Variants in VEGFD observed in about 807,000 individuals in gnomAD.
VEGFD encodes the protein c-fos induced growth factor (vascular endothelial growth factor D).
In VEGFD, 26 loss-of-function variants were observed where a neutral mutation model predicts 28.0. The observed-to-expected ratio is 0.93, with a 90% CI of 0.68 to 1.29. The LOEUF is 1.29. Ranked by LOEUF, VEGFD falls within the 50% of genes most tolerant of loss-of-function variation. The pLI is 0.00. For missense variants in VEGFD, 294 were observed against 273.4 expected, an observed-to-expected ratio of 1.08 and a Z score of -0.53; for synonymous variants, 93 against 95.5, an observed-to-expected ratio of 0.97 and a Z score of 0.15.
intron 1 of VEGFD, among the ~76,000 whole-genome samples, chrX:15,379,935 T>G (rs759461210): frequency 1.8e-5 from 2 of 112,391 alleles, no homozygotes; most frequent in Admixed American, 1.9e-4. Context: ...ATATTGAAGA[T>G]GTAAGATATT....
chrX:15,356,833 ACT>A (rs1391741870), intron 3 of VEGFD, among the ~76,000 whole-genome samples: 1 of 111,983 alleles, frequency 8.9e-6, no homozygotes, highest in East Asian at 2.8e-4. Flanking sequence ...AGAAAAAGAA[ACT>A]CTGCAGTTTA....
chrX:15,368,197 A>G (rs1923227993), intron 1 of VEGFD, among the ~76,000 whole-genome samples: 1 of 111,456 alleles, frequency 9.0e-6, no homozygotes, highest in South Asian at 3.7e-4. Context: ...AAAGAAAGAA[A>G]ACAGGCAGAT....
intron 5 of VEGFD, among the ~76,000 whole-genome samples, chrX:15,351,526 A>C (rs1407538576): frequency 4.5e-5 from 5 of 111,722 alleles, no homozygotes; most frequent in East Asian, 2.8e-4. Flanking sequence ...ACCCCACAAA[A>C]ATTTTCTAAC....
chrX:15,358,401 T>C (rs1029539067), intron 2 of VEGFD, among the ~76,000 whole-genome samples: 3 of 111,954 alleles, frequency 2.7e-5, no homozygotes, highest in Non-Finnish European at 5.6e-5. Context: ...ATTTATACCA[T>C]ACCTTGTAGA....
intron 5 of VEGFD, among the ~76,000 whole-genome samples, chrX:15,349,402 T>G: frequency 8.9e-6 from 1 of 112,225 alleles, no homozygotes; most frequent in Middle Eastern, 4.6e-3. Flanking sequence ...GCAAGAGAAC[T>G]GGTGGTGGAA....
intron 1 of VEGFD, among the ~76,000 whole-genome samples, chrX:15,371,104 G>C (rs1923297182): frequency 8.9e-6 from 1 of 111,848 alleles, no homozygotes; most frequent in African/African-American, 3.3e-5. Flanking sequence ...ACAAAGTGGG[G>C]TCTAACAAGT....
Position 15,356,939 on chromosome X carries a change from T to C in VEGFD, c.492+1064A>G, listed in dbSNP as rs148922143. 2.9e-3 allele frequency among the ~76,000 whole-genome samples: 323 copies of C among 112,421 alleles called. 5 individuals carry two copies. In the Middle Eastern group the frequency reaches 0.047, roughly 16 times the overall value. ...TTAAGAAAATTACCTAACATGGATA[T>C]ATTCAGTGCATGTAATTTTCTTGTA... On this transcript the variant is annotated intron_variant, in intron 3 of 6. Coordinates refer to ENST00000297904, the MANE Select transcript of VEGFD (RefSeq NM_004469.5).
chrX:15,382,177 C>T (rs1005540506), intron 1 of VEGFD, among the ~76,000 whole-genome samples: 4 of 110,302 alleles, frequency 3.6e-5, no homozygotes, highest in African/African-American at 1.3e-4. Flanking sequence ...AAAATTAGCC[C>T]GGCATGGTGG....
At chrX:15,375,040 T>G (rs114689611) in intron 1 of VEGFD, among the ~76,000 whole-genome samples, 1,139 of 111,387 alleles carry the variant, frequency 0.01, 12 homozygotes, top group African/African-American at 0.035. Flanking sequence ...GTGTCCTATG[T>G]GTTGGGGTTT....
At chrX:15,354,709 TG>T (rs1922820729) in intron 4 of VEGFD, among the ~76,000 whole-genome samples, 1 of 111,664 alleles carries the variant, frequency 9.0e-6, no homozygotes, top group Non-Finnish European at 1.9e-5. Flanking sequence ...ATTAGAAAGT[TG>T]CAAAACTCAC....
intron 1 of VEGFD, 146 bp downstream of exon 1, chrX:15,383,711 C>A: frequency 2.4e-6 from 1 of 413,956 alleles, no homozygotes; most frequent in Admixed American, 4.3e-5. Context: ...GAACAGTCAC[C>A]AAGAAATGCA....
In VEGFD at chrX:15,358,191, T is replaced by C; in HGVS notation, c.304A>G (p.Ile102Val). ...TFYDIETLKV[I>V]DEEWQRTQCS... ...TGAGTTCTTTGCCATTCTTCATCTA[T>C]AACTGCAGAGAGAAAGAAAGCTCAC... The change falls in exon 3 of 7, where the codon ATA (isoleucine) becomes GTA (valine). Residue 102 changes from isoleucine to valine, a missense_variant and splice_region_variant. Ile to Val is a conservative substitution (Grantham distance 29). Transcript: ENST00000297904. 8.3e-7 allele frequency: 1 copy of C among 1,202,972 alleles called. No individual in the cohort carries two copies. Among genetic ancestry groups the C allele is most frequent in the Non-Finnish European group, 1.1e-6 (1 of 891,115 alleles).
At chrX:15,349,889 C>T (rs776281295) in intron 5 of VEGFD, among the ~76,000 whole-genome samples, 78 of 111,358 alleles carry the variant, frequency 7.0e-4, no homozygotes, top group Non-Finnish European at 1.3e-3. Flanking sequence ...GAACTTGATC[C>T]ACATTGGGGA....
At chrX:15,358,722 C>CA (rs201958710) in intron 2 of VEGFD, among the ~76,000 whole-genome samples, 1,840 of 111,655 alleles carry the variant, frequency 0.016, 36 homozygotes, top group African/African-American at 0.058. Flanking sequence ...TTACTCAAAT[C>CA]AGAGTTTTCT....
intron 1 of VEGFD, among the ~76,000 whole-genome samples, chrX:15,366,491 G>A (rs1487021527): frequency 8.1e-5 from 9 of 111,417 alleles, no homozygotes; most frequent in Non-Finnish European, 1.1e-4. Context: ...TGGAATTTTG[G>A]TTAGTAGTTC....
At position 15,358,064 on chromosome X, in the gene VEGFD, C is replaced by A. The variant is rs1490636532; in HGVS notation, c.431G>T (p.Gly144Val). The A allele has an allele frequency of 8.3e-7, 1 of 1,211,695 alleles. No homozygotes were observed. The change falls in exon 3 of 7, where the codon GGC becomes GTC. Residue 144 changes from glycine (G) to valine (V), a missense_variant. Transcript: ENST00000297904. Reference protein sequence around the residue: ...PPCVNVFRCGGCCNEESLICM... With the variant: ...PPCVNVFRCGVCCNEESLICM... ...GATAAGGCTCTCTTCATTGCAACAG[C>A]CACCACATCGGAACACGTTCACACA...
At chrX:15,374,534 A>C (rs1227354176) in intron 1 of VEGFD, among the ~76,000 whole-genome samples, 1 of 112,133 alleles carries the variant, frequency 8.9e-6, no homozygotes, top group Non-Finnish European at 1.9e-5. Flanking sequence ...ACGACAGTGA[A>C]GGAGAACAGA....
chrX:15,380,068 C>G (rs763793303), intron 1 of VEGFD, among the ~76,000 whole-genome samples: 1 of 112,255 alleles, frequency 8.9e-6, no homozygotes, highest in Admixed American at 9.4e-5. Flanking sequence ...ATTCAACACA[C>G]TTAACTACAA....
In VEGFD at chrX:15,353,158, A is replaced by T; in HGVS notation, c.652T>A (p.Ser218Thr). Residue 218 changes from serine (S) to threonine (T), a missense_variant, in exon 5 of 7, where the codon TCC becomes ACC. Physicochemically the swap from Ser to Thr is moderately conservative, Grantham distance 58 (BLOSUM62 1). Transcript: ENST00000297904. Reference sequence around the variant, plus strand: ...ATGTCAATAGGACAGAGTTTCTTGGAATGGGAACAGCTAGGAAAAGAAAAC... The same window carrying T: ...ATGTCAATAGGACAGAGTTTCTTGGTATGGGAACAGCTAGGAAAAGAAAAC... The part of the protein sequence containing the change: ...QIPEEDRCSH[S>T]KKLCPIDMLW... The T allele has an allele frequency of 1.2e-5, 14 of 1,134,075 alleles. No homozygotes were observed. The highest frequency in any genetic ancestry group is 1.5e-5 in the Non-Finnish European group (13 of 839,715). The allele number at this position is 1,134,075 out of a possible 1,213,427, so 93.5% of individuals were successfully genotyped here.
Sources: allele counts gnomAD v4.1 joint callset (sites outside exome capture counted in the v4.1 genomes callset), GRCh38; gene constraint gnomAD v4.1.1; transcripts MANE v1.5; gene names NCBI Gene and HGNC (gene_info 2026-07-23, HGNC 2026-07-21).